RB1CC1: variants seen among roughly 807,000 people sequenced by gnomAD.
RB1CC1 encodes RB1 inducible coiled-coil 1.
In RB1CC1, 46 loss-of-function variants were observed where a neutral mutation model predicts 177.5. The observed-to-expected ratio is 0.26, with a 90% CI of 0.20 to 0.33. RB1CC1 has a LOEUF of 0.33. Ranked by LOEUF, RB1CC1 falls within the 10% of genes least tolerant of loss-of-function variation. The pLI, the probability that RB1CC1 is intolerant of heterozygous loss-of-function variation, is 1.00. For missense variants in RB1CC1, 1,703 were observed against 1,816.3 expected, an observed-to-expected ratio of 0.94 and a Z score of 1.13; for synonymous variants, 666 against 613.6, an observed-to-expected ratio of 1.09 and a Z score of -1.26.
chr8:52,674,332 C>T, intron 6 of RB1CC1, 58 bp from the exon 7 acceptor site: 1 of 1,402,238 alleles, frequency 7.1e-7, no homozygotes. Flanking sequence ...TAGGAATTAG[C>T]ATGTTTGAAT....
intron 5 of RB1CC1, 100 bp from the exon 6 acceptor site, chr8:52,676,671 G>A: frequency 9.7e-7 from 1 of 1,035,414 alleles, no homozygotes; most frequent in Non-Finnish European, 1.4e-6. Context: ...ATGCGTTGTA[G>A]AGCACATTTA....
Position 52,627,674 on chromosome 8 carries a change from GT to G in RB1CC1, c.4636+357del, listed in dbSNP as rs910794966. Among the ~76,000 whole-genome samples the G allele has an allele frequency of 5.5e-3, 840 of 151,860 alleles. 8 individuals are homozygous for G. Among genetic ancestry groups the G allele is most frequent in the African/African-American group, 0.019 (802 of 41,430 alleles). On this transcript the variant is annotated intron_variant, in intron 22 of 23. Transcript: ENST00000025008. ...ACTAGACATTTTATAATTTAAGAAAGTTTTTTTTGCCAAAAAATAATGCTTT... is the reference window on the plus strand; with the variant it reads ...ACTAGACATTTTATAATTTAAGAAAGTTTTTTTGCCAAAAAATAATGCTTT...
chr8:52,692,544 A>G (rs540504449), intron 1 of RB1CC1, among the ~76,000 whole-genome samples: 4 of 152,308 alleles, frequency 2.6e-5, no homozygotes, highest in African/African-American at 9.6e-5. Flanking sequence ...TCATATGACA[A>G]AACTATGGCT....
chr8:52,631,980 A>T (rs1467780826), intron 20 of RB1CC1, among the ~76,000 whole-genome samples: 1 of 152,154 alleles, frequency 6.6e-6, no homozygotes, highest in Non-Finnish European at 1.5e-5. Flanking sequence ...TCTTCAATGA[A>T]ACTTCTGAGA....
intron 1 of RB1CC1, among the ~76,000 whole-genome samples, chr8:52,695,717 C>T (rs1855342638): frequency 6.6e-6 from 1 of 152,210 alleles, no homozygotes; most frequent in African/African-American, 2.4e-5. Flanking sequence ...TCTATGACTC[C>T]ACCAGCAATG....
intron 1 of RB1CC1, among the ~76,000 whole-genome samples, chr8:52,707,981 T>C (rs185334513): frequency 6.6e-5 from 10 of 152,352 alleles, no homozygotes; most frequent in African/African-American, 2.4e-4. Flanking sequence ...ATGAGAAGGA[T>C]AGCAATAATG....
At position 52,623,767 on chromosome 8, in the gene RB1CC1, A is replaced by G. The variant is rs1291139637; in HGVS notation, c.*15T>C. On this transcript the variant is annotated 3_prime_UTR_variant, in exon 24 of 24. Transcript: ENST00000025008. ...AGAAAAAAATGTCATAGAATGTATTAATTTTGTCCATAAGTTATACTTTCT... is the reference window on the plus strand; with the variant it reads ...AGAAAAAAATGTCATAGAATGTATTGATTTTGTCCATAAGTTATACTTTCT... 1 of 1,554,490 alleles carries G rather than the reference A, an allele frequency of 6.4e-7. No homozygotes were observed. The highest frequency in any genetic ancestry group is 8.9e-7 in the Non-Finnish European group (1 of 1,126,508).
chr8:52,658,182 T>G, intron 13 of RB1CC1, 58 bp from the exon 14 acceptor site: 1 of 1,497,620 alleles, frequency 6.7e-7, no homozygotes, highest in South Asian at 1.2e-5. Context: ...AGTAGATAAC[T>G]GCTACCAAAT....
At chr8:52,643,160 T>C (rs1410245167) in intron 16 of RB1CC1, 1 of 166,978 alleles carries the variant, frequency 6.0e-6, no homozygotes, top group African/African-American at 2.4e-5. Context: ...GAAACCTTCC[T>C]TTTGTCTTTA....
At chr8:52,697,617 G>A (rs1259307956) in intron 1 of RB1CC1, among the ~76,000 whole-genome samples, 1 of 152,174 alleles carries the variant, frequency 6.6e-6, no homozygotes, top group Non-Finnish European at 1.5e-5. Context: ...AGGCTGGAAG[G>A]AAAGAACAGA....
rs1431275320 is a variant in RB1CC1, at chr8:52,675,720, A to C, written c.572+649T>G. On this transcript the variant is annotated intron_variant, in intron 6 of 23. Transcript: ENST00000025008. ...CCCATCTCTACTAAAAATCCAAAAA[A>C]AAAAAAAAAAAAAAAAATTAGCTGA... Among the ~76,000 whole-genome samples the C allele has an allele frequency of 4.1e-4, 61 of 148,162 alleles. 1 individual carries two copies. In the South Asian group the frequency reaches 7.0e-3, roughly 17 times the overall value.
chr8:52,634,270 C>G (rs186904303), intron 20 of RB1CC1, among the ~76,000 whole-genome samples: 111 of 152,270 alleles, frequency 7.3e-4, no homozygotes, highest in African/African-American at 2.6e-3. Context: ...ACCTGTAACT[C>G]CCAGCACTTT....
rs547263712 is a variant in RB1CC1, at chr8:52,648,158, A to G, written c.3822-2291T>C. Among the ~76,000 whole-genome samples, 8 of 152,162 alleles carry G rather than the reference A, an allele frequency of 5.3e-5. No homozygotes were observed. In the South Asian group the frequency reaches 1.7e-3, roughly 31 times the overall value. ...GTAAACACCATATCCCCAAAACCAG[A>G]ATAAGAACACTAGATGATTAGCATA... On this transcript the variant is annotated intron_variant, in intron 15 of 23. Coordinates refer to ENST00000025008, the MANE Select transcript of RB1CC1 (RefSeq NM_014781.5).
At chr8:52,635,924 AAT>A in intron 19 of RB1CC1, 89 bp downstream of exon 19, 1 of 1,451,420 alleles carries the variant, frequency 6.9e-7, no homozygotes, top group East Asian at 2.4e-5. Context: ...TATAAACACA[AAT>A]AGTCTATTGT....
intron 1 of RB1CC1, among the ~76,000 whole-genome samples, chr8:52,699,744 G>A (rs1265209769): frequency 5.1e-5 from 7 of 137,068 alleles, no homozygotes; most frequent in South Asian, 2.4e-4. Flanking sequence ...ACTTGAACCC[G>A]GGAGGCAGAG....
chr8:52,708,434 G>A (rs1165525005), intron 1 of RB1CC1, among the ~76,000 whole-genome samples: 3 of 152,078 alleles, frequency 2.0e-5, no homozygotes, highest in Non-Finnish European at 2.9e-5. Context: ...GGAGAATGGC[G>A]TGAACCCAGG....
intron 22 of RB1CC1, among the ~76,000 whole-genome samples, chr8:52,627,446 C>T (rs894899465): frequency 2.0e-5 from 3 of 152,152 alleles, no homozygotes; most frequent in Non-Finnish European, 2.9e-5. Flanking sequence ...GGACTTACTT[C>T]GTTTTAGTGT....
rs1851131056 is a variant in RB1CC1, at chr8:52,656,939, T to C, written c.2890A>G (p.Lys964Glu). 1.2e-6 allele frequency: 2 copies of C among 1,613,320 alleles called. No homozygotes were observed. The highest frequency in any genetic ancestry group is 1.3e-5 in the African/African-American group (1 of 74,898). Residue 964 changes from lysine to glutamate, a missense_variant, in exon 15 of 24, where the codon AAG becomes GAG. Lys to Glu is a moderately conservative substitution (Grantham distance 56). Around this residue, in one of 6 missense-constraint regions of RB1CC1, gnomAD observed 1,169 missense variants for 1,184.7 expected, o/e 0.99. Coordinates refer to ENST00000025008, the MANE Select transcript of RB1CC1 (RefSeq NM_014781.5). The stretch of plus-strand genomic sequence containing the variant: ...TTCTCATCATTTTCAACATGGAGCT[T>C]TTTTAAGTCTTCTAACACTATTTCT... ...SREIVLEDLK[K>E]LHVENDEKLQ...
chr8:52,659,825 C>T (rs780618288), intron 12 of RB1CC1, among the ~76,000 whole-genome samples: 1 of 152,078 alleles, frequency 6.6e-6, no homozygotes, highest in Non-Finnish European at 1.5e-5. Context: ...GGTGAAACCC[C>T]GTCTCTACTA....
Sources: gnomAD v4.1 joint callset for allele counts (sites outside exome capture counted in the v4.1 genomes callset) on GRCh38, gnomAD v4.1.1 for gene constraint, gnomAD v4.1.1 regional missense constraint, MANE v1.5 for transcripts, NCBI Gene and HGNC (gene_info 2026-07-23, HGNC 2026-07-21) for gene names.